ANO10: variants seen among roughly 807,000 people sequenced by gnomAD.
ANO10 encodes anoctamin-10.
A neutral mutation model predicts 74.7 loss-of-function variants in ANO10; 77 were observed. The ratio of observed to expected loss-of-function variants is 1.03; its 90% CI spans 0.86 to 1.25. The LOEUF is 1.25. Ranked by LOEUF, ANO10 falls within the 50% of genes most tolerant of loss-of-function variation. The probability of loss-of-function intolerance (pLI) is 0.00; values close to 1 mark genes in which losing one functional copy is unlikely to be tolerated. For synonymous variants in ANO10, 279 were observed against 284.9 expected, an observed-to-expected ratio of 0.98 and a Z score of 0.21; for missense variants, 721 against 778.1, an observed-to-expected ratio of 0.93 and a Z score of 0.87.
At chr3:43,483,218 G>C (rs892185068) in intron 11 of ANO10, among the ~76,000 whole-genome samples, 1 of 152,152 alleles carries the variant, frequency 6.6e-6, no homozygotes, top group African/African-American at 2.4e-5. Flanking sequence ...TGGAAATAAT[G>C]ACTTCCTGCG....
chr3:43,554,363 T>C lies in ANO10; in HGVS notation c.1668+915A>G, dbSNP rs145496640. 3.1e-3 allele frequency among the ~76,000 whole-genome samples: 478 copies of C among 152,056 alleles called. 3 individuals carry two copies. Among genetic ancestry groups the C allele is most frequent in the African/African-American group, 0.011 (453 of 41,506 alleles). On this transcript the variant is annotated intron_variant, in intron 10 of 12. Coordinates refer to ENST00000292246, the MANE Select transcript of ANO10 (RefSeq NM_018075.5). ...CGCCCAGCAGCATGCTGGCTAATTTTTGTATTTTTAGTAGAGATGGGGTTT... is the reference window on the plus strand; with the variant it reads ...CGCCCAGCAGCATGCTGGCTAATTTCTGTATTTTTAGTAGAGATGGGGTTT...
intron 11 of ANO10, among the ~76,000 whole-genome samples, chr3:43,497,729 G>A (rs749864333): frequency 3.3e-5 from 5 of 152,100 alleles, no homozygotes; most frequent in South Asian, 2.1e-4. Flanking sequence ...GGTTTGCATG[G>A]GGGAGGGAAG....
At chr3:43,565,304 G>A (rs937389314) in intron 8 of ANO10, among the ~76,000 whole-genome samples, 3 of 152,214 alleles carry the variant, frequency 2.0e-5, no homozygotes, top group South Asian at 4.2e-4. Context: ...TTAAATTTGC[G>A]AGACCTAAGG....
chr3:43,522,708 C>T (rs1473615738), intron 11 of ANO10, among the ~76,000 whole-genome samples: 5 of 152,166 alleles, frequency 3.3e-5, no homozygotes, highest in South Asian at 2.1e-4. Context: ...AGGTAGTTCA[C>T]GTACCCTCTA....
At chr3:43,521,562 A>G (rs1000814986) in intron 11 of ANO10, among the ~76,000 whole-genome samples, 1 of 152,224 alleles carries the variant, frequency 6.6e-6, no homozygotes, top group Non-Finnish European at 1.5e-5. Context: ...ATCAGTAATC[A>G]CTGGGGAAAT....
At chr3:43,391,008 G>A (rs2092260718) in intron 12 of ANO10, among the ~76,000 whole-genome samples, 1 of 152,126 alleles carries the variant, frequency 6.6e-6, no homozygotes, top group South Asian at 2.1e-4. Context: ...ATAGTAAAAA[G>A]GAGTCCTGAA....
chr3:43,501,852 A>C (rs1226786574), intron 11 of ANO10, among the ~76,000 whole-genome samples: 3 of 152,204 alleles, frequency 2.0e-5, no homozygotes. Context: ...GAGCTATCAA[A>C]ATGATCTGTC....
chr3:43,505,896 A>C (rs1484379468), intron 11 of ANO10, among the ~76,000 whole-genome samples: 1 of 152,204 alleles, frequency 6.6e-6, no homozygotes, highest in African/African-American at 2.4e-5. Context: ...TTTATGTTTC[A>C]ATCTGTAGCA....
intron 12 of ANO10, among the ~76,000 whole-genome samples, chr3:43,430,549 T>C (rs1403913660): frequency 3.9e-5 from 6 of 152,146 alleles, no homozygotes; most frequent in Non-Finnish European, 8.8e-5. Context: ...ATCCTTCTTT[T>C]TTCCATTGAC....
At chr3:43,517,267 A>G (rs1213547851) in intron 11 of ANO10, among the ~76,000 whole-genome samples, 1 of 152,156 alleles carries the variant, frequency 6.6e-6, no homozygotes, top group Non-Finnish European at 1.5e-5. Flanking sequence ...TCTAGTTTTT[A>G]TATTAGTAAT....
intron 2 of ANO10, among the ~76,000 whole-genome samples, chr3:43,601,825 A>G (rs984855347): frequency 2.6e-5 from 4 of 152,188 alleles, no homozygotes; most frequent in East Asian, 3.8e-4. Context: ...AAAGTTTGGT[A>G]ATAGGTTGGT....
intron 11 of ANO10, among the ~76,000 whole-genome samples, chr3:43,501,791 C>T (rs567871845): frequency 2.0e-4 from 30 of 152,258 alleles, no homozygotes; most frequent in African/African-American, 6.5e-4. Context: ...TGGAAGATGA[C>T]AGTGAGTATT....
intron 8 of ANO10, among the ~76,000 whole-genome samples, chr3:43,561,879 A>G (rs372327987): frequency 6.6e-6 from 1 of 152,204 alleles, no homozygotes; most frequent in Non-Finnish European, 1.5e-5. Flanking sequence ...TTAACTTGCA[A>G]TTGTGTTCTT....
chr3:43,635,915 G>A (rs781258117), intron 1 of ANO10, among the ~76,000 whole-genome samples: 5 of 151,938 alleles, frequency 3.3e-5, no homozygotes, highest in African/African-American at 4.8e-5. Flanking sequence ...CACCATGCCC[G>A]GCCCAGCTCT....
intron 12 of ANO10, among the ~76,000 whole-genome samples, chr3:43,383,289 T>C (rs1279061838): frequency 6.6e-6 from 1 of 151,756 alleles, no homozygotes; most frequent in Non-Finnish European, 1.5e-5. Context: ...CTGTCTCTAC[T>C]AAAAATACAA....
chr3:43,645,451 T>C (rs937789963), intron 1 of ANO10, among the ~76,000 whole-genome samples: 2 of 147,894 alleles, frequency 1.4e-5, no homozygotes. Context: ...ATCGTGCCAC[T>C]GCACTCCAGC....
chr3:43,685,397 C>T (rs1403864249), intron 1 of ANO10, among the ~76,000 whole-genome samples: 1 of 152,168 alleles, frequency 6.6e-6, no homozygotes, highest in Non-Finnish European at 1.5e-5. Flanking sequence ...TTCTTAATTG[C>T]TGCCATAGTA....
At chr3:43,496,164 T>C (rs1195306878) in intron 11 of ANO10, among the ~76,000 whole-genome samples, 1 of 152,092 alleles carries the variant, frequency 6.6e-6, no homozygotes, top group Non-Finnish European at 1.5e-5. Context: ...ATATACTCTA[T>C]TGAAAAAGGG....
At chr3:43,565,772 T>C (rs2080290099) in intron 7 of ANO10, 45 bp from the exon 8 acceptor site, 1 of 1,528,364 alleles carries the variant, frequency 6.5e-7, no homozygotes, top group Non-Finnish European at 8.9e-7. Context: ...AGCACTGCTT[T>C]AGAGTACTTT....
Sources: allele counts gnomAD v4.1 joint callset (sites outside exome capture counted in the v4.1 genomes callset), GRCh38; gene constraint gnomAD v4.1.1; transcripts MANE v1.5; gene names NCBI Gene and HGNC (gene_info 2026-07-23, HGNC 2026-07-21).